ELF4: variants seen among roughly 807,000 people sequenced by gnomAD.
ELF4 encodes ETS-related transcription factor Elf-4.
In ELF4, 10 loss-of-function variants were observed where a neutral mutation model predicts 31.7. The observed-to-expected ratio is 0.32, with a 90% confidence interval of 0.19 to 0.54. ELF4 has a LOEUF of 0.54. Ranked by LOEUF, ELF4 falls within the 20% of genes least tolerant of loss-of-function variation. The probability of loss-of-function intolerance (pLI) is 0.95; values close to 1 mark genes in which losing one functional copy is unlikely to be tolerated. For synonymous variants in ELF4, 208 were observed against 226.7 expected (o/e 0.92, Z 0.74); for missense variants, 418 against 522.0 (o/e 0.80, Z 1.94).
Position 130,074,149 on chromosome X carries a change from G to C in ELF4, c.248-8C>G. ...AGGTGGCCTCATTGTCATCTGGTCC[G>C]GGTTCCATGGTGGGAGGAGAGAAGA... is the stretch of plus-strand genomic sequence containing the variant. On this transcript the variant is annotated splice_polypyrimidine_tract_variant and splice_region_variant and intron_variant, in intron 3 of 8. Coordinates refer to ENST00000308167, the MANE Select transcript of ELF4 (RefSeq NM_001421.4). 8.3e-7 allele frequency: 1 copy of C among 1,210,737 alleles called. No individual in the cohort carries two copies. Among genetic ancestry groups the C allele is most frequent in the Non-Finnish European group, 1.1e-6 (1 of 894,827 alleles).
chrX:130,085,937 C>T (rs976794400), intron 1 of ELF4, among the ~76,000 whole-genome samples: 2 of 112,041 alleles, frequency 1.8e-5, no homozygotes, highest in Non-Finnish European at 3.8e-5. Context: ...CCTGCTGTAC[C>T]ATGTGACCAG....
intron 2 of ELF4, among the ~76,000 whole-genome samples, chrX:130,077,295 A>AT (rs112465014): frequency 0.015 from 1,431 of 98,415 alleles, 10 homozygotes; most frequent in Non-Finnish European, 0.021. Flanking sequence ...ATTCCAGAGA[A>AT]TTTTTTTTTT....
At chrX:130,088,811 T>A (rs1189385068) in intron 1 of ELF4, among the ~76,000 whole-genome samples, 1 of 112,156 alleles carries the variant, frequency 8.9e-6, no homozygotes, top group Non-Finnish European at 1.9e-5. Flanking sequence ...TTAAGTCAGA[T>A]AACTTTTATT....
At position 130,064,003 on chromosome X, in the gene ELF4, TTA is replaced by T. The variant is rs1305587797; in HGVS notation, c.*2716_*2717del. 1.9e-5 allele frequency among the ~76,000 whole-genome samples: 2 copies of T among 105,554 alleles called. No individual in the cohort carries two copies. Among genetic ancestry groups the T allele is most frequent in the African/African-American group, 6.8e-5 (2 of 29,362 alleles). 91.7% of individuals were successfully genotyped at this position (105,554 alleles called of 115,157 possible). On this transcript the variant is annotated 3_prime_UTR_variant, in exon 9 of 9. Coordinates refer to ENST00000308167, the MANE Select transcript of ELF4 (RefSeq NM_001421.4). ...ATTATTATTATTATTATTATTATTA[TTA>T]TTATTATACTTTAAGTTCTGGGATA...
intron 1 of ELF4, among the ~76,000 whole-genome samples, chrX:130,097,132 T>TC (rs1933163341): frequency 2.2e-5 from 2 of 92,006 alleles, no homozygotes; most frequent in African/African-American, 9.1e-5. Context: ...TCCATCTCTA[T>TC]TAAAAAAAAA....
chrX:130,074,875 T>G (rs945318259), intron 2 of ELF4, 123 bp from the exon 3 acceptor site: 5 of 794,992 alleles, frequency 6.3e-6, no homozygotes, highest in Non-Finnish European at 9.2e-6. Context: ...GTCCTTTGTA[T>G]AGGATGATAT....
At chrX:130,074,008 AT>A in intron 4 of ELF4, 40 bp downstream of exon 4, 2 of 1,176,000 alleles carry the variant, frequency 1.7e-6, no homozygotes, top group Non-Finnish European at 2.3e-6. Flanking sequence ...AAATGGAATT[AT>A]TTTGTTGCCT....
chrX:130,095,654 T>C (rs1006950191), intron 1 of ELF4, among the ~76,000 whole-genome samples: 2 of 111,576 alleles, frequency 1.8e-5, no homozygotes, highest in South Asian at 3.7e-4. Context: ...ATGGTGACCA[T>C]GTGAGCTCCT....
At chrX:130,069,931 C>T (rs1248809984) in intron 7 of ELF4, among the ~76,000 whole-genome samples, 1 of 112,215 alleles carries the variant, frequency 8.9e-6, no homozygotes, top group Non-Finnish European at 1.9e-5. Flanking sequence ...GATGTCACCC[C>T]ACTCCAACCC....
intron 1 of ELF4, among the ~76,000 whole-genome samples, chrX:130,097,730 T>C (rs1933176460): frequency 8.9e-6 from 1 of 112,747 alleles, no homozygotes; most frequent in South Asian, 3.6e-4. Context: ...GACCCATTGA[T>C]CATGTCCTTT....
intron 4 of ELF4, among the ~76,000 whole-genome samples, chrX:130,073,801 C>G (rs767897749): frequency 1.7e-4 from 19 of 112,832 alleles, no homozygotes; most frequent in African/African-American, 5.2e-4. Flanking sequence ...CGTGAGCCAC[C>G]GTGCCTGGCC....
At position 130,081,288 on chromosome X, in the gene ELF4, C is replaced by G. The variant is rs775432603; in HGVS notation, c.43G>C (p.Ala15Pro). Residue 15 changes from alanine to proline, a missense_variant, in exon 2 of 9, where the codon GCA (alanine) becomes CCA (proline). Around this residue, in one of 4 missense-constraint regions of ELF4, gnomAD observed 35 missense variants for 76.4 expected, o/e 0.46. Coordinates refer to ENST00000308167, the MANE Select transcript of ELF4 (RefSeq NM_001421.4). ...LQPSDLIFEF[A>P]SNGMDDDIHQ... is the part of the protein sequence containing the mutation. The stretch of plus-strand genomic sequence containing the variant: ...ATATCATCATCCATCCCGTTGCTTG[C>G]GAACTCAAAGATCAGGTCACTGGGC... 2 of 1,212,050 alleles carry G rather than the reference C, an allele frequency of 1.7e-6. No individual in the cohort carries two copies. The highest frequency in any genetic ancestry group is 4.3e-5 in the Admixed American group (2 of 46,075).
intron 4 of ELF4, 116 bp from the exon 5 acceptor site, chrX:130,072,533 CCA>C: frequency 1.4e-6 from 1 of 733,714 alleles, no homozygotes; most frequent in South Asian, 2.4e-5. Context: ...CCCCCCAGCC[CCA>C]GACACAGGAT....
chrX:130,081,659 G>C (rs1932890015), intron 1 of ELF4, 120 bp from the exon 2 acceptor site: 2 of 330,563 alleles, frequency 6.1e-6, no homozygotes, highest in East Asian at 1.0e-4. Flanking sequence ...ATAGAGGAGT[G>C]GCCGAAACGG....
chrX:130,108,671 G>T (rs1933416830), intron 1 of ELF4, among the ~76,000 whole-genome samples: 1 of 111,161 alleles, frequency 9.0e-6, no homozygotes. Flanking sequence ...TTGTCCAGGG[G>T]TGGGCGCCAG....
At chrX:130,091,197 C>A (rs1376682068) in intron 1 of ELF4, among the ~76,000 whole-genome samples, 1 of 111,253 alleles carries the variant, frequency 9.0e-6, no homozygotes, top group Admixed American at 9.6e-5. Context: ...GAGGCCGAGG[C>A]GGGTGGATTA....
intron 1 of ELF4, among the ~76,000 whole-genome samples, chrX:130,093,048 C>T (rs1423370588): frequency 3.6e-5 from 4 of 110,711 alleles, no homozygotes; most frequent in African/African-American, 1.3e-4. Flanking sequence ...TGTGATGGCT[C>T]ATGCCTATAA....
intron 8 of ELF4, among the ~76,000 whole-genome samples, chrX:130,068,393 G>C (rs1446783766): frequency 8.9e-6 from 1 of 112,276 alleles, no homozygotes; most frequent in Non-Finnish European, 1.9e-5. Flanking sequence ...TACACAGCCA[G>C]TATACATAGT....
At chrX:130,073,196 C>T (rs1310458000) in intron 4 of ELF4, among the ~76,000 whole-genome samples, 2 of 111,892 alleles carry the variant, frequency 1.8e-5, no homozygotes, top group Non-Finnish European at 3.8e-5. Flanking sequence ...TCAAGCGATT[C>T]TCCTGCCTCA....
Sources: gnomAD v4.1 joint callset for allele counts (sites outside exome capture counted in the v4.1 genomes callset) on GRCh38, gnomAD v4.1.1 for gene constraint, gnomAD v4.1.1 regional missense constraint, MANE v1.5 for transcripts, NCBI Gene and HGNC (gene_info 2026-07-23, HGNC 2026-07-21) for gene names.